Variants in NME8 observed in about 807,000 individuals in gnomAD.
The protein encoded by NME8 is protein NME8.
NME8 carries 72 observed loss-of-function variants against 82.3 expected under a neutral mutation model. The observed-to-expected ratio is 0.87, with a 90% CI of 0.72 to 1.06. The LOEUF (loss-of-function observed/expected upper bound fraction) is 1.06. NME8 is among the 50% of genes least tolerant of loss of function. NME8 has a pLI of 0.00. For missense variants in NME8, 712 were observed against 685.4 expected (o/e 1.04, Z -0.43); for synonymous variants, 267 against 228.5 (o/e 1.17, Z -1.52).
rs1379347731 is a variant in NME8, at chr7:37,880,810, TC to T, written c.995-3492del. Among the ~76,000 whole-genome samples, 49 of 150,108 alleles carry T rather than the reference TC, an allele frequency of 3.3e-4. No homozygotes were observed. The East Asian group carries it at 4.2e-3, about 13-fold the overall frequency. Reference sequence around the variant, plus strand: ...ATTTATTTAGATCTTTGATTTTTTTTCGCCAGAGTTTTGTAGTTTTCTTCAT... The same window carrying T: ...ATTTATTTAGATCTTTGATTTTTTTTGCCAGAGTTTTGTAGTTTTCTTCAT... On this transcript the variant is annotated intron_variant, in intron 12 of 17. Coordinates refer to ENST00000199447, the MANE Select transcript of NME8 (RefSeq NM_016616.5).
intron 5 of NME8, among the ~76,000 whole-genome samples, chr7:37,851,598 A>G (rs1784439694): frequency 6.6e-6 from 1 of 152,206 alleles, no homozygotes; most frequent in Non-Finnish European, 1.5e-5. Context: ...TACATTGATT[A>G]CATGTTGAAA....
intron 12 of NME8, among the ~76,000 whole-genome samples, chr7:37,882,619 G>GAAAC: frequency 1.2e-5 from 1 of 86,842 alleles, no homozygotes; most frequent in African/African-American, 3.4e-5. Flanking sequence ...GAGAGAGAAA[G>GAAAC]AAAGAAAGAA....
chr7:37,897,822 A>C (rs1785253949), intron 17 of NME8, among the ~76,000 whole-genome samples: 2 of 152,188 alleles, frequency 1.3e-5, no homozygotes, highest in African/African-American at 4.8e-5. Flanking sequence ...AGTTTCATCT[A>C]TGTCCCTGCA....
chr7:37,882,613 G>GAGAGAGAGAGAGAA (rs1273553790), intron 12 of NME8, among the ~76,000 whole-genome samples: 37 of 85,110 alleles, frequency 4.3e-4, no homozygotes, highest in Non-Finnish European at 7.0e-4. Flanking sequence ...GAGAGAGAGA[G>GAGAGAGAGAGAGAA]AGAAAGAAAG....
At chr7:37,899,466 G>T (rs775174420) in intron 17 of NME8, among the ~76,000 whole-genome samples, 21 of 152,060 alleles carry the variant, frequency 1.4e-4, no homozygotes, top group Non-Finnish European at 4.4e-5. Context: ...TTATAAGTGG[G>T]AGCTGAATGA....
chr7:37,851,518 G>A (rs1281460726), intron 5 of NME8, among the ~76,000 whole-genome samples: 3 of 152,088 alleles, frequency 2.0e-5, no homozygotes, highest in East Asian at 1.9e-4. Context: ...ATACTCAAGT[G>A]TAAGAGACAC....
chr7:37,884,468 A>C (rs1213083982), intron 13 of NME8, 21 bp downstream of exon 13: 11 of 1,598,390 alleles, frequency 6.9e-6, no homozygotes, highest in Non-Finnish European at 9.4e-6. Flanking sequence ...GGTTGAGAAA[A>C]TTCAGTCTGA....
intron 14 of NME8, 94 bp from the exon 15 acceptor site, chr7:37,888,183 C>A: frequency 7.9e-7 from 1 of 1,259,852 alleles, no homozygotes. Flanking sequence ...GAATTATTTG[C>A]TGTTATTTGA....
At chr7:37,852,641 G>A (rs940448554) in intron 5 of NME8, among the ~76,000 whole-genome samples, 3 of 151,990 alleles carry the variant, frequency 2.0e-5, no homozygotes, top group African/African-American at 4.8e-5. Flanking sequence ...AGTGATATGC[G>A]CCATGTCTTT....
At chr7:37,851,373 C>T (rs989448998) in intron 5 of NME8, among the ~76,000 whole-genome samples, 3 of 152,122 alleles carry the variant, frequency 2.0e-5, no homozygotes, top group African/African-American at 7.2e-5. Flanking sequence ...CAAACTGATA[C>T]TCCATTGAGT....
At chr7:37,868,837 T>G (rs1397781917) in intron 11 of NME8, among the ~76,000 whole-genome samples, 1 of 152,180 alleles carries the variant, frequency 6.6e-6, no homozygotes, top group Non-Finnish European at 1.5e-5. Flanking sequence ...TTGTATATTT[T>G]TTGTTGATGG....
At chr7:37,873,370 A>AAAAAAAAAAAAAAAAAAAG (rs796807809) in intron 11 of NME8, among the ~76,000 whole-genome samples, 8 of 147,026 alleles carry the variant, frequency 5.4e-5, no homozygotes, top group African/African-American at 1.0e-4. Context: ...AAAAAAAAAA[A>AAAAAAAAAAAAAAAAAAAG]AAAAGAAAAG....
intron 6 of NME8, among the ~76,000 whole-genome samples, chr7:37,858,118 G>A (rs1368834434): frequency 6.6e-6 from 1 of 152,150 alleles, no homozygotes; most frequent in Non-Finnish European, 1.5e-5. Flanking sequence ...TCTAAAAGCA[G>A]AGTGTACAGT....
intron 15 of NME8, among the ~76,000 whole-genome samples, chr7:37,892,219 CTT>C: frequency 6.6e-6 from 1 of 151,986 alleles, no homozygotes; most frequent in Middle Eastern, 3.4e-3. Context: ...TTTGACCACT[CTT>C]GATTTCTTTT....
chr7:37,885,142 T>G lies in NME8; in HGVS notation c.1140-3T>G, dbSNP rs1190885596. 3 of 1,596,262 alleles carry G rather than the reference T, an allele frequency of 1.9e-6. No individual in the cohort carries two copies. Among genetic ancestry groups the G allele is most frequent in the African/African-American group, 2.7e-5 (2 of 74,588 alleles). On this transcript the variant is annotated splice_polypyrimidine_tract_variant and splice_region_variant and intron_variant, in intron 13 of 17. Coordinates refer to ENST00000199447, the MANE Select transcript of NME8 (RefSeq NM_016616.5). ...ACCTCTTCTTTGTTTTCTTTTCTAA[T>G]AGTGGTCCATCTCTAGCCCTTGTTT...
At position 37,867,925 on chromosome 7, in the gene NME8, T is replaced by C. The variant is rs116545712; in HGVS notation, c.818+27T>C. The C allele has an allele frequency of 7.5e-3, 11,976 of 1,598,946 alleles. 793 individuals are homozygous for C. In the African/African-American group the frequency reaches 0.14, roughly 18 times the overall value. ...TATAGCTCAAGACCAGGAATTGTGTTACTTGCAATGTGTTATTGGGTAATG... is the reference window on the plus strand; with the variant it reads ...TATAGCTCAAGACCAGGAATTGTGTCACTTGCAATGTGTTATTGGGTAATG... On this transcript the variant is annotated intron_variant, in intron 11 of 17. Transcript: ENST00000199447.
At chr7:37,871,831 T>C (rs1373147640) in intron 11 of NME8, among the ~76,000 whole-genome samples, 1 of 152,150 alleles carries the variant, frequency 6.6e-6, no homozygotes, top group Non-Finnish European at 1.5e-5. Context: ...TATTCTCATT[T>C]AAATTAAACA....
At chr7:37,886,253 A>G (rs1395090461) in intron 14 of NME8, among the ~76,000 whole-genome samples, 1 of 152,188 alleles carries the variant, frequency 6.6e-6, no homozygotes, top group Non-Finnish European at 1.5e-5. Context: ...AGTGCAATGC[A>G]TGCTACCAGA....
chr7:37,854,232 A>G (rs1562828123), intron 5 of NME8, among the ~76,000 whole-genome samples: 1 of 152,184 alleles, frequency 6.6e-6, no homozygotes, highest in Non-Finnish European at 1.5e-5. Flanking sequence ...GAAAGAAAAT[A>G]GTATTAAGAA....
Sources: allele counts gnomAD v4.1 joint callset (sites outside exome capture counted in the v4.1 genomes callset), GRCh38; gene constraint gnomAD v4.1.1; transcripts MANE v1.5; gene names NCBI Gene and HGNC (gene_info 2026-07-23, HGNC 2026-07-21).